RBX1: variants seen among roughly 807,000 people sequenced by gnomAD.
RBX1 encodes ring-box 1, also known as E3 ubiquitin-protein ligase RBX1.
For synonymous variants in RBX1, 48 were observed against 47.9 expected, an observed-to-expected ratio of 1.00 and a Z score of -0.01; for missense variants, 46 against 141.4, an observed-to-expected ratio of 0.33 and a Z score of 3.42.
chr22:40,951,627 T>TATA, intron 1 of RBX1, 151 bp downstream of exon 1: 1 of 729,336 alleles, frequency 1.4e-6, no homozygotes, highest in Non-Finnish European at 2.2e-6. Flanking sequence ...GGGCGGGTCT[T>TATA]AGAGTTGATC....
intron 1 of RBX1, 103 bp from the exon 2 acceptor site, chr22:40,953,452 C>A: frequency 1.3e-6 from 1 of 772,518 alleles, no homozygotes; most frequent in Non-Finnish European, 2.3e-6. Flanking sequence ...TGGTGGTTCC[C>A]TGTGGCCAAA....
intron 4 of RBX1, among the ~76,000 whole-genome samples, chr22:40,970,350 CA>C (rs1000627504): frequency 4.3e-3 from 436 of 101,472 alleles, no homozygotes; most frequent in African/African-American, 6.4e-3. Flanking sequence ...AACTTCGTCT[CA>C]AAAAAAAAAA....
chr22:40,968,685 C>T lies in RBX1; in HGVS notation c.314+801C>T, dbSNP rs147062452. On this transcript the variant is annotated intron_variant, in intron 4 of 4. Transcript: ENST00000216225. ...GGGTATACCACAGAATATGAATTTCCCACTGTAGGCCCCTGCTCCGGCTTG... is the reference window on the plus strand; with the variant it reads ...GGGTATACCACAGAATATGAATTTCTCACTGTAGGCCCCTGCTCCGGCTTG... Among the ~76,000 whole-genome samples, 763 of 152,224 alleles carry T rather than the reference C, an allele frequency of 5.0e-3. 3 individuals are homozygous for T. The highest frequency in any genetic ancestry group is 0.017 in the African/African-American group (714 of 41,534).
rs1329942332 is a variant in RBX1 at position 40,951,487 on chromosome 22, G to A, written c.78+11G>A. 1.2e-6 allele frequency: 2 copies of A among 1,611,616 alleles called. No individual in the cohort carries two copies. The highest frequency in any genetic ancestry group is 8.5e-7 in the Non-Finnish European group (1 of 1,178,846). On this transcript the variant is annotated intron_variant, in intron 1 of 4. Transcript: ENST00000216225. ...TTTGAAGTGAAAAAGGTTGGGTCTC[G>A]CCAGCGCCTTCCTCAGGGAAGCTAG...
At chr22:40,965,502 G>A (rs557153312) in intron 3 of RBX1, among the ~76,000 whole-genome samples, 3 of 150,920 alleles carry the variant, frequency 2.0e-5, no homozygotes, top group African/African-American at 4.9e-5. Flanking sequence ...GCGCAGTGAC[G>A]CAGTCCCGGC....
chr22:40,953,785 T>C (rs2058317816), intron 2 of RBX1, 152 bp downstream of exon 2: 1 of 577,754 alleles, frequency 1.7e-6, no homozygotes, highest in Admixed American at 2.6e-5. Context: ...GTGTTTGAAA[T>C]AGAGTAGTTT....
chr22:40,968,369 G>A (rs889523505), intron 4 of RBX1, among the ~76,000 whole-genome samples: 1 of 152,046 alleles, frequency 6.6e-6, no homozygotes, highest in Non-Finnish European at 1.5e-5. Context: ...GGGATTACAG[G>A]TGTGAGCCAC....
Position 40,968,980 on chromosome 22 carries a change from A to G in RBX1, c.314+1096A>G, listed in dbSNP as rs1233157815. Among the ~76,000 whole-genome samples, 4 of 138,804 alleles carry G rather than the reference A, an allele frequency of 2.9e-5. No individual in the cohort carries two copies. The East Asian group carries it at 8.4e-4, about 29-fold the overall frequency. 91.1% of individuals were successfully genotyped at this position (138,804 alleles called of 152,430 possible). On this transcript the variant is annotated intron_variant, in intron 4 of 4. Transcript: ENST00000216225. ...CTTAACTTTTTTCTTTTCTTTTTTT[A>G]TTTGTTTGCATGTTTTTAACATTTT...
intron 2 of RBX1, among the ~76,000 whole-genome samples, chr22:40,956,368 A>G (rs990913350): frequency 3.8e-4 from 58 of 151,654 alleles, no homozygotes; most frequent in African/African-American, 1.3e-3. Context: ...GGATAAAACA[A>G]TGAGTGAGAT....
intron 3 of RBX1, among the ~76,000 whole-genome samples, chr22:40,964,758 T>TCC (rs371969834): frequency 1.3e-3 from 191 of 152,298 alleles, no homozygotes; most frequent in African/African-American, 4.3e-3. Flanking sequence ...TCCTGTGTCA[T>TCC]GGGGACAGAA....
At chr22:40,968,035 G>A in intron 4 of RBX1, 151 bp downstream of exon 4, 2 of 481,104 alleles carry the variant, frequency 4.2e-6, no homozygotes, top group South Asian at 3.0e-5. Flanking sequence ...TATGGAAAAT[G>A]CACAAAGGAT....
In RBX1 at chr22:40,967,936, AAGG is replaced by A. The variant is rs780217794; in HGVS notation, c.314+55_314+57del. On this transcript the variant is annotated intron_variant, in intron 4 of 4. Coordinates refer to ENST00000216225, the MANE Select transcript of RBX1 (RefSeq NM_014248.4). ...GGCTTTTTGACTTGCCTCAGGCTGA[AAGG>A]AGCGTGGTCTTGGGGGATGGAGACA... 15 of 1,289,398 alleles carry A rather than the reference AAGG, an allele frequency of 1.2e-5. No homozygotes were observed. The Admixed American group carries it at 2.5e-4, about 22-fold the overall frequency. 79.9% of individuals were successfully genotyped at this position (1,289,398 alleles called of 1,614,324 possible). A position where few individuals can be genotyped will look rare whatever the true frequency, so the allele number is the denominator to read the frequency against.
intron 3 of RBX1, among the ~76,000 whole-genome samples, chr22:40,965,508 C>T (rs2058351943): frequency 6.6e-6 from 1 of 151,390 alleles, no homozygotes; most frequent in African/African-American, 2.4e-5. Context: ...TGACGCAGTC[C>T]CGGCTTACTG....
chr22:40,959,441 C>T (rs1307796177), intron 2 of RBX1, among the ~76,000 whole-genome samples: 5 of 152,150 alleles, frequency 3.3e-5, no homozygotes, highest in Non-Finnish European at 7.3e-5. Flanking sequence ...CTGCTATATC[C>T]CTTCTTATTT....
rs148557848 is a variant in RBX1, at chr22:40,971,454, A to T, written c.315-1022A>T. ...AATAACAAATTATTTTAATCAGGTTAACTGCCTAAAAAGATCCAGGACAAA... is the reference window on the plus strand; with the variant it reads ...AATAACAAATTATTTTAATCAGGTTTACTGCCTAAAAAGATCCAGGACAAA... On this transcript the variant is annotated intron_variant, in intron 4 of 4. Transcript: ENST00000216225. Among the ~76,000 whole-genome samples, 259 of 152,336 alleles carry T rather than the reference A, an allele frequency of 1.7e-3. 9 individuals carry two copies. The East Asian group carries it at 0.033, about 20-fold the overall frequency.
chr22:40,953,709 C>T, intron 2 of RBX1, 76 bp downstream of exon 2: 1 of 989,034 alleles, frequency 1.0e-6, no homozygotes, highest in Non-Finnish European at 1.6e-6. Context: ...GACTGATTTT[C>T]TTCTTCACAC....
chr22:40,961,081 C>CTTTTTTTTTTTTTTTTTTTTTT (rs61092253), intron 2 of RBX1, among the ~76,000 whole-genome samples: 4 of 107,670 alleles, frequency 3.7e-5, no homozygotes, highest in African/African-American at 1.5e-4. Context: ...CGTGCCTGGC[C>CTTTTTTTTTTTTTTTTTTTTTT]TTTTTTTTTT....
chr22:40,962,986 G>A (rs1015794361), intron 2 of RBX1, among the ~76,000 whole-genome samples: 5 of 150,226 alleles, frequency 3.3e-5, no homozygotes, highest in Non-Finnish European at 5.9e-5. Context: ...GTGAGCCATC[G>A]CGCCTGGCCT....
intron 3 of RBX1, 148 bp downstream of exon 3, chr22:40,964,265 ATAATAC>A: frequency 1.7e-6 from 1 of 597,314 alleles, no homozygotes; most frequent in Non-Finnish European, 3.0e-6. Context: ...ATTTTAAATC[ATAATAC>A]TATTCACCTG....
Sources: allele counts gnomAD v4.1 joint callset (sites outside exome capture counted in the v4.1 genomes callset), GRCh38; gene constraint gnomAD v4.1.1; transcripts MANE v1.5; gene names NCBI Gene and HGNC (gene_info 2026-07-23, HGNC 2026-07-21).